The following TRIP4 variants were observed in gnomAD, a reference collection of about 807,000 sequenced individuals.
TRIP4 encodes activating signal cointegrator 1.
In TRIP4, 54 loss-of-function variants were observed where a neutral mutation model predicts 81.8. The observed-to-expected ratio is 0.66, with a 90% confidence interval of 0.53 to 0.83. TRIP4 has a LOEUF of 0.83. TRIP4 is among the 40% of genes least tolerant of loss of function. The pLI is 0.00. For missense variants in TRIP4, 662 were observed against 683.6 expected (o/e 0.97, Z 0.35); for synonymous variants, 270 against 242.8 (o/e 1.11, Z -1.04).
intron 11 of TRIP4, among the ~76,000 whole-genome samples, chr15:64,437,541 A>G (rs1434900004): frequency 1.3e-5 from 2 of 149,644 alleles, no homozygotes; most frequent in Non-Finnish European, 3.0e-5. Context: ...CGTGCAGGCT[A>G]GGGTGCACTG....
At chr15:64,406,656 A>T (rs1264210269) in intron 6 of TRIP4, among the ~76,000 whole-genome samples, 197 bp downstream of exon 6, 1 of 152,202 alleles carries the variant, frequency 6.6e-6, no homozygotes, top group Non-Finnish European at 1.5e-5. Flanking sequence ...TATGAAAAGA[A>T]TCCTGTCCTG....
chr15:64,422,337 G>T (rs1251933894), intron 9 of TRIP4, among the ~76,000 whole-genome samples: 1 of 152,140 alleles, frequency 6.6e-6, no homozygotes, highest in Admixed American at 6.5e-5. Context: ...GGCTTCAGAC[G>T]TTTCTCTACT....
chr15:64,417,961 G>C (rs1033832869), intron 8 of TRIP4, among the ~76,000 whole-genome samples: 3 of 152,196 alleles, frequency 2.0e-5, no homozygotes, highest in Non-Finnish European at 4.4e-5. Flanking sequence ...TTGTGCTGTT[G>C]CTGGAATTAG....
rs140336311 is a variant in TRIP4, at chr15:64,423,428, T to C, written c.1359-603T>C. Among the ~76,000 whole-genome samples, 81 of 114,908 alleles carry C rather than the reference T, an allele frequency of 7.0e-4. No individual in the cohort carries two copies. The East Asian group carries it at 0.02, about 29-fold the overall frequency. 75.4% of individuals were successfully genotyped at this position (114,908 alleles called of 152,430 possible). A position where few individuals can be genotyped will look rare whatever the true frequency, so the allele number is the denominator to read the frequency against. The stretch of plus-strand genomic sequence containing the variant: ...CAGTGAGCCGAGGTCGCGCCACTGC[T>C]CTCCAGTCTGGCAACAGAGCGAGAC... On this transcript the variant is annotated intron_variant, in intron 9 of 12. Transcript: ENST00000261884.
intron 7 of TRIP4, among the ~76,000 whole-genome samples, chr15:64,411,596 A>AC (rs773457324): frequency 2.6e-5 from 4 of 151,592 alleles, no homozygotes; most frequent in Non-Finnish European, 4.4e-5. Flanking sequence ...ACATATTGAG[A>AC]CCCCACCTTA....
chr15:64,420,600 T>C (rs1891991171), intron 9 of TRIP4, among the ~76,000 whole-genome samples: 1 of 151,492 alleles, frequency 6.6e-6, no homozygotes, highest in Non-Finnish European at 1.5e-5. Context: ...CTCAGCTCAC[T>C]GCAAGCTCCG....
intron 10 of TRIP4, 170 bp downstream of exon 10, chr15:64,424,325 A>T (rs1566979659): frequency 1.1e-6 from 1 of 882,676 alleles, no homozygotes; most frequent in Non-Finnish European, 1.7e-6. Context: ...TCAAAGCATT[A>T]ATCTGTCAAA....
At chr15:64,407,701 C>T (rs909204741) in intron 6 of TRIP4, among the ~76,000 whole-genome samples, 1 of 151,938 alleles carries the variant, frequency 6.6e-6, no homozygotes, top group Non-Finnish European at 1.5e-5. Context: ...ATAGAATGCA[C>T]TTACTTTTTG....
intron 12 of TRIP4, among the ~76,000 whole-genome samples, chr15:64,454,615 C>CAGTT (rs1457081011): frequency 6.6e-6 from 1 of 152,132 alleles, no homozygotes; most frequent in Non-Finnish European, 1.5e-5. Flanking sequence ...TATGCTCAGC[C>CAGTT]AGTTAACAGG....
chr15:64,423,707 T>TATAGG (rs1176757616), intron 9 of TRIP4, among the ~76,000 whole-genome samples: 1 of 151,996 alleles, frequency 6.6e-6, no homozygotes. Context: ...GCCTTGAAAA[T>TATAGG]ATAGGATTTG....
intron 11 of TRIP4, among the ~76,000 whole-genome samples, chr15:64,443,763 T>C (rs925600510): frequency 6.6e-6 from 1 of 152,164 alleles, no homozygotes; most frequent in African/African-American, 2.4e-5. Flanking sequence ...GGCTCTCTCC[T>C]ATAATCCCAG....
rs1357103918 is a variant in TRIP4, at chr15:64,400,468, C to T, written c.619-275C>T. Among the ~76,000 whole-genome samples the T allele has an allele frequency of 4.7e-5, 5 of 105,822 alleles. No individual in the cohort carries two copies. The East Asian group carries it at 1.8e-3, about 37-fold the overall frequency. 69.4% of individuals were successfully genotyped at this position (105,822 alleles called of 152,430 possible). A position where few individuals can be genotyped will look rare whatever the true frequency, so the allele number is the denominator to read the frequency against. On this transcript the variant is annotated intron_variant, in intron 4 of 12. Coordinates refer to ENST00000261884, the MANE Select transcript of TRIP4 (RefSeq NM_016213.5). The stretch of plus-strand genomic sequence containing the variant: ...GGATTACAGTCATAAGCCACTGTGC[C>T]CAGCCTTTTTTTTTTTTTTTTCTAA...
At chr15:64,440,083 C>T (rs543620355) in intron 11 of TRIP4, among the ~76,000 whole-genome samples, 1 of 151,716 alleles carries the variant, frequency 6.6e-6, no homozygotes, top group African/African-American at 2.4e-5. Context: ...ATTTAGTCCT[C>T]TAAAAAAAAT....
At chr15:64,406,728 G>A (rs771214482) in intron 6 of TRIP4, among the ~76,000 whole-genome samples, 7 of 152,302 alleles carry the variant, frequency 4.6e-5, no homozygotes, top group Non-Finnish European at 7.3e-5. Context: ...TGAGTTGACA[G>A]AATTCACCAC....
intron 5 of TRIP4, among the ~76,000 whole-genome samples, chr15:64,402,395 A>G (rs1485055591): frequency 6.6e-6 from 1 of 151,222 alleles, no homozygotes; most frequent in Non-Finnish European, 1.5e-5. Flanking sequence ...CTAATTTTGT[A>G]TTTTTAGTAG....
intron 9 of TRIP4, among the ~76,000 whole-genome samples, chr15:64,419,634 A>G (rs2140297978): frequency 6.6e-6 from 1 of 152,172 alleles, no homozygotes; most frequent in Non-Finnish European, 1.5e-5. Flanking sequence ...CTGGGATTAC[A>G]GACGTGAACC....
chr15:64,400,955 TTTTG>T lies in TRIP4; in HGVS notation c.697+138_697+141del, dbSNP rs1217146215. 4.4e-4 allele frequency: 286 copies of T among 652,812 alleles called. 1 individual carries two copies. Among genetic ancestry groups the T allele is most frequent in the East Asian group, 6.9e-4 (25 of 35,996 alleles). The allele number at this position is 652,812 out of a possible 1,614,324, so 40.4% of individuals were successfully genotyped here. The stretch of plus-strand genomic sequence containing the variant: ...ATTCTCAGTTTTTTTGGGGGGTTTT[TTTTG>T]TTTTGTTTTGTTTTGTTTTGATGTG... On this transcript the variant is annotated intron_variant, in intron 5 of 12. Coordinates refer to ENST00000261884, the MANE Select transcript of TRIP4 (RefSeq NM_016213.5).
intron 9 of TRIP4, among the ~76,000 whole-genome samples, chr15:64,421,467 CT>C (rs1460727011): frequency 6.6e-6 from 1 of 151,108 alleles, no homozygotes; most frequent in African/African-American, 2.4e-5. Flanking sequence ...TCTCGAGTAG[CT>C]GGGATTACAG....
chr15:64,412,063 A>T (rs1515187), intron 7 of TRIP4, among the ~76,000 whole-genome samples: 145,414 of 152,032 alleles, frequency 0.96, 69,777 homozygotes, highest in East Asian at 1. Flanking sequence ...AAGATTTTTT[A>T]AAAAAATTGC....
Sources: allele counts gnomAD v4.1 joint callset (sites outside exome capture counted in the v4.1 genomes callset), GRCh38; gene constraint gnomAD v4.1.1; transcripts MANE v1.5; gene names NCBI Gene and HGNC (gene_info 2026-07-23, HGNC 2026-07-21).